EIF4G3: variants seen among roughly 807,000 people sequenced by gnomAD.
EIF4G3 encodes the protein eukaryotic translation initiation factor 4 gamma 3.
Under a neutral mutation model 186.4 loss-of-function variants are expected in EIF4G3, and 34 were observed. That is an observed-to-expected ratio of 0.18 (90% CI 0.14 to 0.24). The LOEUF (loss-of-function observed/expected upper bound fraction) is 0.24, where lower values mean the gene tolerates loss of function less well. Ranked by LOEUF, EIF4G3 falls within the 10% of genes least tolerant of loss-of-function variation. EIF4G3 has a pLI of 1.00. For missense variants in EIF4G3, 1,536 were observed against 1,948.5 expected (o/e 0.79, Z 3.99); for synonymous variants, 673 against 679.5 (o/e 0.99, Z 0.15).
At chr1:20,852,644 A>T (rs2073706347) in intron 27 of EIF4G3, among the ~76,000 whole-genome samples, 1 of 152,190 alleles carries the variant, frequency 6.6e-6, no homozygotes, top group African/African-American at 2.4e-5. Context: ...GCAAATTAAA[A>T]GGGAAAAGGA....
At chr1:20,870,598 G>A (rs552864058) in intron 20 of EIF4G3, among the ~76,000 whole-genome samples, 1 of 152,258 alleles carries the variant, frequency 6.6e-6, no homozygotes, top group East Asian at 1.9e-4. Context: ...GTTCTGAGAT[G>A]AGGATTCTCA....
At chr1:20,890,635 T>G (rs747550505) in intron 18 of EIF4G3, among the ~76,000 whole-genome samples, 8 of 152,154 alleles carry the variant, frequency 5.3e-5, no homozygotes, top group Admixed American at 2.6e-4. Flanking sequence ...TTTGTATTTT[T>G]TGTAGGGACA....
chr1:21,102,104 T>C (rs1232521840), intron 2 of EIF4G3, among the ~76,000 whole-genome samples: 1 of 152,156 alleles, frequency 6.6e-6, no homozygotes, highest in Non-Finnish European at 1.5e-5. Context: ...TTTTATATGG[T>C]AAGCTATCTG....
intron 24 of EIF4G3, 44 bp downstream of exon 24, chr1:20,860,341 T>C (rs2076060830): frequency 6.2e-7 from 1 of 1,610,550 alleles, no homozygotes; most frequent in Admixed American, 1.7e-5. Context: ...TATGTATTCC[T>C]GAAACTTCCA....
Position 20,806,628 on chromosome 1 carries a change from A to T in EIF4G3, c.*691T>A, listed in dbSNP as rs549082543. On this transcript the variant is annotated 3_prime_UTR_variant, in exon 37 of 37. Transcript: ENST00000602326. ...TTGCTCTAAAGATTTCAAGAGTATT[A>T]AGAGTACTTTTCTCAGGGTAGCACT... The T allele has an allele frequency of 6.6e-6, 1 of 152,396 alleles. No homozygotes were observed. Among genetic ancestry groups the T allele is most frequent in the South Asian group, 2.1e-4 (1 of 4,816 alleles). 9.4% of individuals were successfully genotyped at this position (152,396 alleles called of 1,614,324 possible). A position where few individuals can be genotyped will look rare whatever the true frequency, so the allele number is the denominator to read the frequency against.
intron 2 of EIF4G3, among the ~76,000 whole-genome samples, chr1:21,091,391 G>A (rs2096193611): frequency 6.6e-6 from 1 of 151,958 alleles, no homozygotes; most frequent in Non-Finnish European, 1.5e-5. Context: ...GAACTCCTGA[G>A]CTCAGGCAAT....
intron 2 of EIF4G3, among the ~76,000 whole-genome samples, chr1:21,123,887 A>C (rs1456127897): frequency 6.6e-6 from 1 of 152,178 alleles, no homozygotes; most frequent in Non-Finnish European, 1.5e-5. Context: ...GCTATGGTAC[A>C]CACAGCCTTC....
intron 2 of EIF4G3, among the ~76,000 whole-genome samples, chr1:21,155,262 C>CAAAAAAAAAA (rs34182850): frequency 3.2e-4 from 14 of 43,278 alleles, no homozygotes; most frequent in East Asian, 1.6e-3. Context: ...GACTCTGTCT[C>CAAAAAAAAAA]AAAAAAAAAA....
intron 2 of EIF4G3, among the ~76,000 whole-genome samples, chr1:21,169,450 C>CA (rs1199821535): frequency 1.3e-5 from 2 of 151,562 alleles, no homozygotes; most frequent in Non-Finnish European, 2.9e-5. Flanking sequence ...TCTCTCCCCC[C>CA]AAAAAAATAA....
At chr1:20,824,505 T>G (rs1255279216) in intron 33 of EIF4G3, among the ~76,000 whole-genome samples, 1 of 152,218 alleles carries the variant, frequency 6.6e-6, no homozygotes, top group African/African-American at 2.4e-5. Context: ...GTTACTTTTC[T>G]TGATCTAATT....
chr1:21,019,731 A>G (rs2090191566), intron 4 of EIF4G3, among the ~76,000 whole-genome samples: 2 of 152,120 alleles, frequency 1.3e-5, no homozygotes. Context: ...AAAAATACAA[A>G]AAATTAGCTG....
intron 14 of EIF4G3, among the ~76,000 whole-genome samples, chr1:20,920,950 CCTCT>C (rs1338031602): frequency 4.6e-5 from 7 of 152,086 alleles, no homozygotes; most frequent in African/African-American, 7.2e-5. Flanking sequence ...AGTAAGTCTG[CCTCT>C]CTGTTGCTCC....
chr1:21,032,562 TAA>T (rs879619132), intron 4 of EIF4G3, among the ~76,000 whole-genome samples: 1 of 145,486 alleles, frequency 6.9e-6, no homozygotes, highest in Non-Finnish European at 1.5e-5. Context: ...TTTCAGCCAT[TAA>T]AAAAAAAAAG....
At chr1:21,170,264 T>C (rs906179113) in intron 2 of EIF4G3, among the ~76,000 whole-genome samples, 2 of 152,208 alleles carry the variant, frequency 1.3e-5, no homozygotes, top group Admixed American at 6.5e-5. Context: ...TTCTAGGTGC[T>C]AGCAATTCCA....
rs75036115 is a variant in EIF4G3 at position 20,873,507 on chromosome 1, C to T, written c.2622+5816G>A. ...GTTTCACGTTTGTAAATATCTGGTACATTTAGCAATTTGATGTTATTGCAT... is the reference window on the plus strand; with the variant it reads ...GTTTCACGTTTGTAAATATCTGGTATATTTAGCAATTTGATGTTATTGCAT... On this transcript the variant is annotated intron_variant, in intron 20 of 36. Coordinates refer to ENST00000602326, the MANE Select transcript of EIF4G3 (RefSeq NM_001391906.1). 3.3e-5 allele frequency among the ~76,000 whole-genome samples: 5 copies of T among 152,204 alleles called. No individual in the cohort carries two copies. In the East Asian group the frequency reaches 9.6e-4, roughly 29 times the overall value.
chr1:20,816,510 G>A (rs1265862154), intron 34 of EIF4G3, among the ~76,000 whole-genome samples: 14 of 78,272 alleles, frequency 1.8e-4, no homozygotes, highest in African/African-American at 6.5e-4. Flanking sequence ...TCAGCCCCCC[G>A]CCCGGCCAGC....
rs187948758 is a variant in EIF4G3, at chr1:20,937,311, C to T, written c.1663+4180G>A. ...TATCCAAGCCATACGGTATGGCTGT[C>T]CTTAGGCTTTGGGATAGAACTGTAG... On this transcript the variant is annotated intron_variant, in intron 14 of 36. Coordinates refer to ENST00000602326, the MANE Select transcript of EIF4G3 (RefSeq NM_001391906.1). 4.9e-3 allele frequency among the ~76,000 whole-genome samples: 752 copies of T among 152,292 alleles called. 5 individuals are homozygous for T. The highest frequency in any genetic ancestry group is 0.017 in the African/African-American group (717 of 41,562).
intron 2 of EIF4G3, 37 bp downstream of exon 2, chr1:21,176,138 G>A: frequency 5.6e-6 from 2 of 359,630 alleles, no homozygotes; most frequent in Non-Finnish European, 9.8e-6. Flanking sequence ...CTGCGACGAC[G>A]AGAACCGAAG....
intron 32 of EIF4G3, among the ~76,000 whole-genome samples, chr1:20,826,314 CTGT>C (rs2063609587): frequency 6.7e-6 from 1 of 148,616 alleles, no homozygotes; most frequent in Non-Finnish European, 1.5e-5. Context: ...TTACAGGTGC[CTGT>C]CACCATGCCT....
Sources: allele counts gnomAD v4.1 joint callset (sites outside exome capture counted in the v4.1 genomes callset), GRCh38; gene constraint gnomAD v4.1.1; transcripts MANE v1.5; gene names NCBI Gene and HGNC (gene_info 2026-07-23, HGNC 2026-07-21).